Variants in ITPR2 observed in about 807,000 individuals in gnomAD.
The protein encoded by ITPR2 is inositol 1,4,5-trisphosphate receptor type 2.
ITPR2 carries 207 observed loss-of-function variants against 317.1 expected under a neutral mutation model. The observed-to-expected ratio is 0.65, with a 90% CI of 0.58 to 0.73. The LOEUF is 0.73. ITPR2 is among the 30% of genes least tolerant of loss of function. ITPR2 has a pLI of 0.00. For missense variants in ITPR2, 2,613 were observed against 3,284.0 expected, an observed-to-expected ratio of 0.80 and a Z score of 4.99; for synonymous variants, 1,156 against 1,149.1, an observed-to-expected ratio of 1.01 and a Z score of -0.12.
chr12:26,486,373 C>G lies in ITPR2; in HGVS notation c.5555-13G>C. ...GTTGAATCTCTTACTGAAAACAAAG[C>G]AGTACTTTTATATTTCTGAACCAAT... On this transcript the variant is annotated splice_polypyrimidine_tract_variant and intron_variant, in intron 40 of 56. Coordinates refer to ENST00000381340, the MANE Select transcript of ITPR2 (RefSeq NM_002223.4). 1 of 1,582,618 alleles carries G rather than the reference C, an allele frequency of 6.3e-7. No homozygotes were observed.
intron 45 of ITPR2, among the ~76,000 whole-genome samples, chr12:26,462,733 G>A (rs911787459): frequency 2.7e-5 from 4 of 149,258 alleles, no homozygotes; most frequent in Non-Finnish European, 5.9e-5. Flanking sequence ...GTGCAATGGC[G>A]CCATCCCAGC....
chr12:26,465,151 C>T (rs558036533), intron 45 of ITPR2, among the ~76,000 whole-genome samples: 1 of 152,276 alleles, frequency 6.6e-6, no homozygotes, highest in Admixed American at 6.5e-5. Flanking sequence ...GACTAGAAGA[C>T]CTCTAACAGA....
At chr12:26,383,080 G>A (rs1465973793) in intron 55 of ITPR2, among the ~76,000 whole-genome samples, 2 of 152,080 alleles carry the variant, frequency 1.3e-5, no homozygotes, top group Non-Finnish European at 2.9e-5. Flanking sequence ...CTACAGTAAG[G>A]AGTGATTTCT....
chr12:26,710,748 G>C (rs189799797), intron 9 of ITPR2, among the ~76,000 whole-genome samples: 1 of 152,196 alleles, frequency 6.6e-6, no homozygotes, highest in Admixed American at 6.5e-5. Flanking sequence ...CCAATGATTT[G>C]AATAATAAAA....
Position 26,628,018 on chromosome 12 carries a change from G to A in ITPR2, c.3064+15C>T, listed in dbSNP as rs1946660956. On this transcript the variant is annotated intron_variant, in intron 23 of 56. Coordinates refer to ENST00000381340, the MANE Select transcript of ITPR2 (RefSeq NM_002223.4). ...AAATAAAATAAAAAGAGTAAATACT[G>A]TCACAAAAAGATACCTGATGGTAGT... 6.3e-7 allele frequency: 1 copy of A among 1,590,028 alleles called. No individual in the cohort carries two copies. Among genetic ancestry groups the A allele is most frequent in the African/African-American group, 1.4e-5 (1 of 73,658 alleles).
chr12:26,724,393 G>A (rs1948885444), intron 4 of ITPR2, among the ~76,000 whole-genome samples: 1 of 152,100 alleles, frequency 6.6e-6, no homozygotes, highest in African/African-American at 2.4e-5. Flanking sequence ...ATTGTTTCCT[G>A]ACCCTCTTCT....
intron 39 of ITPR2, among the ~76,000 whole-genome samples, chr12:26,488,565 C>T (rs1942725205): frequency 6.6e-6 from 1 of 152,156 alleles, no homozygotes; most frequent in Non-Finnish European, 1.5e-5. Context: ...AGCTCCTACA[C>T]AGAGGGCAAG....
chr12:26,654,561 C>T (rs773741059), intron 20 of ITPR2, among the ~76,000 whole-genome samples: 71 of 152,280 alleles, frequency 4.7e-4, no homozygotes, highest in Admixed American at 1.8e-3. Context: ...CGAGAGTCTA[C>T]CTCCAAGATG....
intron 35 of ITPR2, among the ~76,000 whole-genome samples, chr12:26,560,013 A>G (rs1565603608): frequency 6.6e-6 from 1 of 152,218 alleles, no homozygotes; most frequent in Non-Finnish European, 1.5e-5. Context: ...ATGTCCCAGA[A>G]GAGCATAGAC....
chr12:26,560,522 A>ACTC (rs1944786934), intron 35 of ITPR2, among the ~76,000 whole-genome samples: 1 of 151,476 alleles, frequency 6.6e-6, no homozygotes, highest in African/African-American at 2.4e-5. Context: ...GGCCTCTTAA[A>ACTC]CTCCTCTCAT....
At position 26,830,049 on chromosome 12, in the gene ITPR2, G is replaced by A. The variant is rs556808185; in HGVS notation, c.92+2641C>T. Among the ~76,000 whole-genome samples, 247 of 152,228 alleles carry A rather than the reference G, an allele frequency of 1.6e-3. 1 individual carries two copies. The highest frequency in any genetic ancestry group is 5.6e-3 in the African/African-American group (234 of 41,548). ...CTCCCGAGTAGCTGGGACTACAGGC[G>A]TCCGCCACCACGCCCAGCTAATTTT... On this transcript the variant is annotated intron_variant, in intron 1 of 56. Coordinates refer to ENST00000381340, the MANE Select transcript of ITPR2 (RefSeq NM_002223.4).
intron 26 of ITPR2, among the ~76,000 whole-genome samples, chr12:26,620,327 T>C (rs568684988): frequency 9.2e-5 from 14 of 152,346 alleles, no homozygotes; most frequent in Non-Finnish European, 1.5e-4. Context: ...TAATTATCTC[T>C]TGCTCTGTTT....
chr12:26,709,247 G>A (rs1020687476), intron 9 of ITPR2, among the ~76,000 whole-genome samples: 1 of 152,124 alleles, frequency 6.6e-6, no homozygotes, highest in Admixed American at 6.5e-5. Context: ...AAATAAATTC[G>A]TAACTTTCAG....
chr12:26,814,199 C>T (rs1950808825), intron 1 of ITPR2, among the ~76,000 whole-genome samples: 1 of 152,198 alleles, frequency 6.6e-6, no homozygotes, highest in Non-Finnish European at 1.5e-5. Flanking sequence ...AACACCTGCG[C>T]AAGGGCAGGA....
chr12:26,401,158 G>A (rs755584379), intron 52 of ITPR2, among the ~76,000 whole-genome samples: 4 of 152,012 alleles, frequency 2.6e-5, no homozygotes, highest in Admixed American at 2.6e-4. Context: ...GAACTCAGGA[G>A]GTAGAGATTG....
intron 32 of ITPR2, among the ~76,000 whole-genome samples, chr12:26,592,987 T>C (rs1945745954): frequency 6.6e-6 from 1 of 152,196 alleles, no homozygotes. Flanking sequence ...CCACTAACCC[T>C]ATGGGGAATG....
chr12:26,372,161 C>T (rs1939206486), intron 55 of ITPR2, among the ~76,000 whole-genome samples: 1 of 152,132 alleles, frequency 6.6e-6, no homozygotes, highest in East Asian at 1.9e-4. Context: ...AATATTGCTG[C>T]CTGTTATTAA....
intron 37 of ITPR2, among the ~76,000 whole-genome samples, chr12:26,519,393 T>C (rs1470745180): frequency 1.3e-5 from 2 of 152,126 alleles, no homozygotes; most frequent in African/African-American, 2.4e-5. Context: ...CTTATAGAAA[T>C]ATAGTACTTA....
At chr12:26,565,108 A>G (rs1944915627) in intron 34 of ITPR2, among the ~76,000 whole-genome samples, 1 of 152,172 alleles carries the variant, frequency 6.6e-6, no homozygotes, top group Non-Finnish European at 1.5e-5. Context: ...CCAAACAAAA[A>G]CATTTCAAAA....
Sources: gnomAD v4.1 joint callset for allele counts (sites outside exome capture counted in the v4.1 genomes callset) on GRCh38, gnomAD v4.1.1 for gene constraint, MANE v1.5 for transcripts, NCBI Gene and HGNC (gene_info 2026-07-23, HGNC 2026-07-21) for gene names.